Variants in TSNARE1 observed in about 807,000 individuals in gnomAD.
TSNARE1 encodes the protein t-SNARE domain-containing protein 1.
Under a neutral mutation model 62.0 loss-of-function variants are expected in TSNARE1, and 49 were observed. That is an observed-to-expected ratio of 0.79 (90% CI 0.63 to 1.00). The LOEUF is 1.00. Ranked by LOEUF, TSNARE1 falls within the 50% of genes least tolerant of loss-of-function variation. The probability of loss-of-function intolerance (pLI) is 0.00; values close to 1 mark genes in which losing one functional copy is unlikely to be tolerated. For missense variants in TSNARE1, 755 were observed against 700.1 expected (o/e 1.08, Z -0.88); for synonymous variants, 328 against 294.4 (o/e 1.11, Z -1.17).
chr8:142,330,802 G>A, intron 6 of TSNARE1, 99 bp downstream of exon 6: 2 of 1,240,012 alleles, frequency 1.6e-6, no homozygotes, highest in Non-Finnish European at 2.3e-6. Flanking sequence ...AAGCAGCTGT[G>A]TGGACAAAGC....
chr8:142,375,200 CTGGG>C (rs1326634498), intron 1 of TSNARE1, among the ~76,000 whole-genome samples: 5 of 152,266 alleles, frequency 3.3e-5, no homozygotes, highest in Admixed American at 1.3e-4. Context: ...ACATCTGCTT[CTGGG>C]TGCCCGTGAG....
rs1042221174 is a variant in TSNARE1, at chr8:142,340,333, A to G, written c.745+3633T>C. 2.0e-5 allele frequency among the ~76,000 whole-genome samples: 3 copies of G among 152,208 alleles called. No individual in the cohort carries two copies. In the East Asian group the frequency reaches 5.8e-4, roughly 29 times the overall value. On this transcript the variant is annotated intron_variant, in intron 4 of 13. Transcript: ENST00000524325. ...GGAGGAAGCGGAGGCTCCAAGGATC[A>G]CAGAGCAGACAGAGGCACATGGGGC...
intron 1 of TSNARE1, among the ~76,000 whole-genome samples, chr8:142,359,039 TG>T (rs34322640): frequency 6.6e-6 from 1 of 152,020 alleles, no homozygotes; most frequent in African/African-American, 2.4e-5. Context: ...CCTTGCTCAC[TG>T]GGGGTTCTGC....
chr8:142,218,933 T>C (rs1816076892), intron 13 of TSNARE1, among the ~76,000 whole-genome samples: 1 of 152,250 alleles, frequency 6.6e-6, no homozygotes, highest in Non-Finnish European at 1.5e-5. Context: ...CAAAATTGCT[T>C]GCTTTGAGCA....
chr8:142,270,804 C>G (rs1030854346), intron 12 of TSNARE1: 95 of 985,316 alleles, frequency 9.6e-5, no homozygotes, highest in Non-Finnish European at 1.0e-4. Context: ...GGGGTTGGAG[C>G]CTCCAACAGC....
chr8:142,271,457 G>T, intron 12 of TSNARE1: 2 of 1,262,952 alleles, frequency 1.6e-6, no homozygotes, highest in South Asian at 3.1e-5. Context: ...TGCCGCTGGG[G>T]TCCTCCTGGA....
At chr8:142,307,846 T>C (rs1222611356) in intron 9 of TSNARE1, among the ~76,000 whole-genome samples, 2 of 152,234 alleles carry the variant, frequency 1.3e-5, no homozygotes, top group Admixed American at 6.5e-5. Context: ...AGTAAAGGCA[T>C]GAGAGTGCAA....
At chr8:142,352,465 G>T (rs776532050) in intron 2 of TSNARE1, among the ~76,000 whole-genome samples, 1 of 152,244 alleles carries the variant, frequency 6.6e-6, no homozygotes, top group Admixed American at 6.5e-5. Context: ...GGAACGCCAC[G>T]CCCCGTGTAC....
chr8:142,404,055 C>T (rs1838501662), upstream of TSNARE1: 1 of 152,266 alleles, frequency 6.6e-6, no homozygotes. Context: ...GATGAGTCCG[C>T]TGCACCTTCT....
chr8:142,288,587 C>T (rs934644816), intron 10 of TSNARE1, among the ~76,000 whole-genome samples: 4 of 152,238 alleles, frequency 2.6e-5, no homozygotes, highest in African/African-American at 7.2e-5. Flanking sequence ...GCCGAGGATG[C>T]GGCTGACAGG....
At chr8:142,257,367 C>T (rs539504295) in intron 12 of TSNARE1, among the ~76,000 whole-genome samples, 84 of 152,226 alleles carry the variant, frequency 5.5e-4, no homozygotes, top group African/African-American at 1.9e-3. Context: ...CCCGCAAGCC[C>T]GAGGCATACT....
chr8:142,213,211 C>T (rs73362740), intron 13 of TSNARE1, among the ~76,000 whole-genome samples: 614 of 50,232 alleles, frequency 0.012, 54 homozygotes, highest in African/African-American at 0.066. Flanking sequence ...CTACCCCCTC[C>T]GCCTCCCTCT....
At position 142,300,574 on chromosome 8, in the gene TSNARE1, T is replaced by A; in HGVS notation, c.1202A>T (p.Gln401Leu). The change falls in exon 10 of 14, where the codon CAG (glutamine) becomes CTG (leucine). Residue 401 changes from glutamine (Q) to leucine (L), a missense_variant. Coordinates refer to ENST00000524325, the MANE Select transcript of TSNARE1 (RefSeq NM_145003.5). ...CGGGAGCAGCGCCTGCTCCTGGCCCTGCCACATGTTGTCACTCCCGTTAAA... is the reference window on the plus strand; with the variant it reads ...CGGGAGCAGCGCCTGCTCCTGGCCCAGCCACATGTTGTCACTCCCGTTAAA... ...KVFNGSDNMW[Q>L]GQEQALLPDI... 1.2e-6 allele frequency: 2 copies of A among 1,613,492 alleles called. No homozygotes were observed.
intron 1 of TSNARE1, among the ~76,000 whole-genome samples, chr8:142,397,714 C>T (rs1034931614): frequency 1.3e-5 from 2 of 152,132 alleles, no homozygotes; most frequent in South Asian, 2.1e-4. Context: ...GGGGAGGGCT[C>T]GAGCCTGCAG....
At chr8:142,313,272 G>T (rs1563889681) in intron 9 of TSNARE1, among the ~76,000 whole-genome samples, 1 of 151,946 alleles carries the variant, frequency 6.6e-6, no homozygotes, top group Non-Finnish European at 1.5e-5. Context: ...GCATTGGTCT[G>T]CATGTCTGTT....
chr8:142,257,950 C>T (rs1818667274), intron 12 of TSNARE1, among the ~76,000 whole-genome samples: 2 of 151,712 alleles, frequency 1.3e-5, no homozygotes, highest in African/African-American at 4.8e-5. Context: ...CACCCAAGCT[C>T]ACACACACAC....
At chr8:142,295,761 A>C (rs1824576470) in intron 10 of TSNARE1, among the ~76,000 whole-genome samples, 1 of 151,874 alleles carries the variant, frequency 6.6e-6, no homozygotes, top group South Asian at 2.1e-4. Context: ...TGGGCCGTCC[A>C]TTGCCCAGAC....
At chr8:142,396,283 G>T (rs1365537270) in intron 1 of TSNARE1, among the ~76,000 whole-genome samples, 1 of 152,024 alleles carries the variant, frequency 6.6e-6, no homozygotes, top group Non-Finnish European at 1.5e-5. Context: ...CCAAAGCCCT[G>T]GAAACGCTTG....
At chr8:142,316,989 C>T (rs938121796) in intron 7 of TSNARE1, among the ~76,000 whole-genome samples, 57 of 151,954 alleles carry the variant, frequency 3.8e-4, no homozygotes, top group Non-Finnish European at 4.4e-5. Flanking sequence ...CAACTATGGG[C>T]AGCACCTACG....
Sources: gnomAD v4.1 joint callset for allele counts (sites outside exome capture counted in the v4.1 genomes callset) on GRCh38, gnomAD v4.1.1 for gene constraint, MANE v1.5 for transcripts, NCBI Gene and HGNC (gene_info 2026-07-23, HGNC 2026-07-21) for gene names.